DIP2C: variants seen among roughly 807,000 people sequenced by gnomAD.
DIP2C encodes the protein DIP2 acetate--CoA ligase C (putative).
A neutral mutation model predicts 192.4 loss-of-function variants in DIP2C; 33 were observed. That is an observed-to-expected ratio of 0.17 (90% CI 0.13 to 0.23). The LOEUF (loss-of-function observed/expected upper bound fraction) is 0.23, where lower values mean the gene tolerates loss of function less well. Ranked by LOEUF, DIP2C falls within the 10% of genes least tolerant of loss-of-function variation. DIP2C has a pLI of 1.00. For synonymous variants in DIP2C, 979 were observed against 864.1 expected, an observed-to-expected ratio of 1.13 and a Z score of -2.33; for missense variants, 1,537 against 2,110.1, an observed-to-expected ratio of 0.73 and a Z score of 5.32.
intron 1 of DIP2C, among the ~76,000 whole-genome samples, chr10:492,269 C>A (rs979022016): frequency 1.1e-4 from 17 of 152,346 alleles, no homozygotes; most frequent in African/African-American, 3.6e-4. Context: ...GGAGGCTTCT[C>A]CCTGCTGTTT....
chr10:569,774 G>C (rs1849670348), intron 1 of DIP2C, among the ~76,000 whole-genome samples: 2 of 152,142 alleles, frequency 1.3e-5, no homozygotes, highest in Admixed American at 1.3e-4. Flanking sequence ...CACAAAGGCA[G>C]GGGTAGGGAG....
Position 364,484 on chromosome 10 carries a change from C to A in DIP2C, c.2367G>T (p.Val789=), listed in dbSNP as rs370593004. ...GFVGPGGLVF[V]VGKMDGLMVV... is the part of the protein sequence containing the mutation. Reference sequence around the variant, plus strand: ...CCATGAGGCCATCCATCTTGCCCACCACGAAGACGAGGCCTCCGGGACCCA... The same window carrying A: ...CCATGAGGCCATCCATCTTGCCCACAACGAAGACGAGGCCTCCGGGACCCA... The change falls in exon 20 of 37, where the codon GTG becomes GTT. Residue 789 remains valine, a synonymous_variant. Transcript: ENST00000280886. 1.1e-5 allele frequency: 17 copies of A among 1,614,082 alleles called. No homozygotes were observed. Among genetic ancestry groups the A allele is most frequent in the Non-Finnish European group, 1.4e-5 (17 of 1,180,040 alleles).
At chr10:304,557 AC>A (rs1956214915) in intron 32 of DIP2C, among the ~76,000 whole-genome samples, 1 of 662 alleles carries the variant, frequency 1.5e-3, no homozygotes, top group Non-Finnish European at 6.9e-3. Context: ...ACACGAATGC[AC>A]ACACACACAC....
intron 1 of DIP2C, among the ~76,000 whole-genome samples, chr10:582,369 A>C (rs1166008213): frequency 1.3e-5 from 2 of 152,206 alleles, no homozygotes; most frequent in African/African-American, 4.8e-5. Context: ...CGTACACTTA[A>C]CATAAAACAG....
At chr10:368,717 C>T (rs1333664922) in intron 18 of DIP2C, among the ~76,000 whole-genome samples, 2 of 152,334 alleles carry the variant, frequency 1.3e-5, no homozygotes, top group African/African-American at 2.4e-5. Context: ...CTGCTGAAGG[C>T]GGCAGCACTG....
In DIP2C at chr10:339,802, G is replaced by C. The variant is rs546405547; in HGVS notation, c.3584+1397C>G. Among the ~76,000 whole-genome samples, 10 of 152,230 alleles carry C rather than the reference G, an allele frequency of 6.6e-5. No individual in the cohort carries two copies. In the East Asian group the frequency reaches 1.9e-3, roughly 29 times the overall value. On this transcript the variant is annotated intron_variant, in intron 29 of 36. Coordinates refer to ENST00000280886, the MANE Select transcript of DIP2C (RefSeq NM_014974.3). ...TCAAAAAGCTGAATTGTCCTAATTA[G>C]AATATCGGTATTTTTCAAAAATACA...
Position 417,338 on chromosome 10 carries a change from G to A in DIP2C, c.740-1450C>T, listed in dbSNP as rs1303802303. Among the ~76,000 whole-genome samples the A allele has an allele frequency of 1.8e-4, 28 of 152,158 alleles. 1 individual carries two copies. The highest frequency in any genetic ancestry group is 1.8e-3 in the Admixed American group (28 of 15,282). Reference sequence around the variant, plus strand: ...CGAGACAGCACAACACACCACGCAGGATTTACCTGGGGAACAAAGGCAAAG... The same window carrying A: ...CGAGACAGCACAACACACCACGCAGAATTTACCTGGGGAACAAAGGCAAAG... On this transcript the variant is annotated intron_variant, in intron 6 of 36. Coordinates refer to ENST00000280886, the MANE Select transcript of DIP2C (RefSeq NM_014974.3).
intron 18 of DIP2C, 145 bp downstream of exon 18, chr10:369,349 A>G: frequency 9.5e-7 from 1 of 1,057,946 alleles, no homozygotes; most frequent in Non-Finnish European, 1.3e-6. Context: ...AAGCCTAACA[A>G]AGACTTCAGA....
At chr10:401,988 T>C in intron 9 of DIP2C, among the ~76,000 whole-genome samples, 1 of 144,094 alleles carries the variant, frequency 6.9e-6, no homozygotes, top group Non-Finnish European at 1.5e-5. Flanking sequence ...TCCTGTGATT[T>C]TACATGTGTG....
intron 1 of DIP2C, among the ~76,000 whole-genome samples, chr10:570,690 T>C (rs1206604477): frequency 6.6e-6 from 1 of 152,202 alleles, no homozygotes; most frequent in Non-Finnish European, 1.5e-5. Context: ...TGTAGCACCA[T>C]CCAACTGATT....
intron 1 of DIP2C, among the ~76,000 whole-genome samples, chr10:535,912 G>A (rs371114802): frequency 5.8e-4 from 88 of 152,340 alleles, no homozygotes; most frequent in Middle Eastern, 3.4e-3. Flanking sequence ...GTATGCAAAT[G>A]CCACATTTTC....
At chr10:481,677 G>A (rs963016728) in intron 2 of DIP2C, among the ~76,000 whole-genome samples, 34 of 152,240 alleles carry the variant, frequency 2.2e-4, no homozygotes, top group Admixed American at 2.2e-3. Context: ...ATAGACACCT[G>A]AGGCAGTGGA....
intron 1 of DIP2C, among the ~76,000 whole-genome samples, chr10:645,002 C>G (rs1271361046): frequency 6.6e-6 from 1 of 152,158 alleles, no homozygotes; most frequent in Non-Finnish European, 1.5e-5. Flanking sequence ...GAAGAGGCAC[C>G]TAAAAGCTGG....
intron 34 of DIP2C, among the ~76,000 whole-genome samples, chr10:283,957 G>C (rs887387680): frequency 6.6e-6 from 1 of 152,238 alleles, no homozygotes; most frequent in Non-Finnish European, 1.5e-5. Flanking sequence ...GAAAATGCCT[G>C]ATGTCTGACA....
chr10:554,214 C>T (rs1188441031), intron 1 of DIP2C, among the ~76,000 whole-genome samples: 4 of 151,588 alleles, frequency 2.6e-5, no homozygotes, highest in African/African-American at 9.7e-5. Context: ...TAGCTTGTAA[C>T]TAACAGTGGC....
intron 2 of DIP2C, among the ~76,000 whole-genome samples, chr10:479,387 G>A (rs10444200): frequency 2.8e-5 from 4 of 143,724 alleles, no homozygotes; most frequent in African/African-American, 7.9e-5. Context: ...AGGCTGGAGA[G>A]CAATGGCGCA....
At chr10:606,679 T>C (rs1364206028) in intron 1 of DIP2C, among the ~76,000 whole-genome samples, 1 of 152,208 alleles carries the variant, frequency 6.6e-6, no homozygotes, top group East Asian at 1.9e-4. Context: ...TGAATTCTCA[T>C]TAGGAAAGGG....
intron 1 of DIP2C, among the ~76,000 whole-genome samples, chr10:572,006 G>T (rs977651728): frequency 5.3e-5 from 8 of 152,208 alleles, no homozygotes; most frequent in Non-Finnish European, 1.2e-4. Flanking sequence ...CGAAATCTAA[G>T]CAACATTATA....
chr10:545,749 T>C (rs1052444150), intron 1 of DIP2C, among the ~76,000 whole-genome samples: 1 of 152,214 alleles, frequency 6.6e-6, no homozygotes, highest in Admixed American at 6.5e-5. Context: ...GAGCTATTTT[T>C]TTGTGTAGGG....
Sources: gnomAD v4.1 joint callset for allele counts (sites outside exome capture counted in the v4.1 genomes callset) on GRCh38, gnomAD v4.1.1 for gene constraint, MANE v1.5 for transcripts, NCBI Gene and HGNC (gene_info 2026-07-23, HGNC 2026-07-21) for gene names.